DPP10: variants seen among roughly 807,000 people sequenced by gnomAD.
The protein encoded by DPP10 is inactive dipeptidyl peptidase 10.
DPP10 carries 33 observed loss-of-function variants against 120.9 expected under a neutral mutation model. The observed-to-expected ratio is 0.27, with a 90% CI of 0.21 to 0.37. The LOEUF (loss-of-function observed/expected upper bound fraction) is 0.37. Among genes scored for constraint, DPP10 ranks in the 10% least tolerant of loss-of-function variants. The pLI is 1.00. For missense variants in DPP10, 816 were observed against 942.8 expected (o/e 0.87, Z 1.76); for synonymous variants, 337 against 326.1 (o/e 1.03, Z -0.36).
At chr2:115,659,501 C>A (rs1309916315) in intron 5 of DPP10, among the ~76,000 whole-genome samples, 1 of 151,984 alleles carries the variant, frequency 6.6e-6, no homozygotes, top group Non-Finnish European at 1.5e-5. Flanking sequence ...ACAATTCAAC[C>A]GAGTCTCTAA....
rs2088372298 is a variant in DPP10 at position 115,656,591 on chromosome 2, C to CA, written c.442-33090dup. Among the ~76,000 whole-genome samples the CA allele has an allele frequency of 2.0e-5, 3 of 151,468 alleles. No individual in the cohort carries two copies. The South Asian group carries it at 6.2e-4, about 32-fold the overall frequency. On this transcript the variant is annotated intron_variant, in intron 5 of 25. Transcript: ENST00000410059. ...TCATTAAGTTTGTATTTCAATATTG[C>CA]AAAAAACTCTTGGCTATGATTAGAG... is the stretch of plus-strand genomic sequence containing the variant.
At chr2:114,543,018 A>T (rs2104815086) in intron 1 of DPP10, among the ~76,000 whole-genome samples, 1 of 152,336 alleles carries the variant, frequency 6.6e-6, no homozygotes, top group East Asian at 1.9e-4. Context: ...CCAAGTTAAT[A>T]GAATACAATT....
intron 19 of DPP10, among the ~76,000 whole-genome samples, chr2:115,804,399 G>T (rs889929865): frequency 6.6e-6 from 1 of 152,122 alleles, no homozygotes; most frequent in African/African-American, 2.4e-5. Context: ...GCTCGGAGTA[G>T]TTTGATCTTC....
intron 1 of DPP10, among the ~76,000 whole-genome samples, chr2:114,660,308 T>C (rs1697302935): frequency 1.3e-5 from 2 of 152,222 alleles, no homozygotes; most frequent in Non-Finnish European, 2.9e-5. Flanking sequence ...CACTTTTTTT[T>C]CTAAAAATAT....
At chr2:114,800,816 C>T (rs758188297) in intron 1 of DPP10, among the ~76,000 whole-genome samples, 5 of 152,048 alleles carry the variant, frequency 3.3e-5, no homozygotes, top group Non-Finnish European at 5.9e-5. Context: ...AGCTACTGCC[C>T]TTGGTTAACA....
intron 5 of DPP10, among the ~76,000 whole-genome samples, chr2:115,570,187 C>A (rs1054750149): frequency 3.7e-4 from 56 of 152,296 alleles, no homozygotes; most frequent in African/African-American, 1.3e-3. Flanking sequence ...GCTTATTTTA[C>A]ACAAGTGACA....
chr2:115,686,051 A>C (rs1280301966), intron 5 of DPP10, among the ~76,000 whole-genome samples: 2 of 152,032 alleles, frequency 1.3e-5, no homozygotes, highest in Admixed American at 6.6e-5. Context: ...CTACTTTCCC[A>C]GCTAAGGTTG....
rs1019670880 is a variant in DPP10 at position 114,832,860 on chromosome 2, T to TA, written c.60+390033dup. ...GTCTACCTAACATGTTTCTATTTTC[T>TA]AAAAAAAAAAATTTAAGTACTTTAA... On this transcript the variant is annotated intron_variant, in intron 1 of 25. Coordinates refer to ENST00000410059, the MANE Select transcript of DPP10 (RefSeq NM_020868.6). Among the ~76,000 whole-genome samples, 1,232 of 148,730 alleles carry TA rather than the reference T, an allele frequency of 8.3e-3. 13 individuals are homozygous for TA. The highest frequency in any genetic ancestry group is 0.028 in the African/African-American group (1,158 of 40,724).
At chr2:115,719,531 A>G (rs2421285) in intron 7 of DPP10, among the ~76,000 whole-genome samples, 147,630 of 152,262 alleles carry the variant, frequency 0.97, 71,758 homozygotes, top group Middle Eastern at 1. Context: ...TTTATTTAAG[A>G]CCAAAATGTC....
chr2:114,956,322 G>C (rs1698194571), intron 1 of DPP10, among the ~76,000 whole-genome samples: 1 of 150,758 alleles, frequency 6.6e-6, no homozygotes, highest in Non-Finnish European at 1.5e-5. Context: ...ACCAAATTAA[G>C]AAATCTATCC....
intron 1 of DPP10, among the ~76,000 whole-genome samples, chr2:115,003,383 G>T (rs1230014655): frequency 6.6e-6 from 1 of 151,998 alleles, no homozygotes; most frequent in Non-Finnish European, 1.5e-5. Flanking sequence ...TAGGAGGAGG[G>T]AGAGGAAGAG....
In DPP10 at chr2:115,352,315, C is replaced by G. The variant is rs751087308; in HGVS notation, c.271+8403C>G. 4.6e-5 allele frequency among the ~76,000 whole-genome samples: 7 copies of G among 152,274 alleles called. No homozygotes were observed. In the South Asian group the frequency reaches 6.2e-4, roughly 14 times the overall value. ...GAAAGTTATGTTCAGAGTTCATCAA[C>G]AAGCATTTATTGAGCTTCATATATG... On this transcript the variant is annotated intron_variant, in intron 3 of 25. Coordinates refer to ENST00000410059, the MANE Select transcript of DPP10 (RefSeq NM_020868.6).
chr2:114,577,058 A>T (rs549368265), intron 1 of DPP10, among the ~76,000 whole-genome samples: 12 of 152,288 alleles, frequency 7.9e-5, no homozygotes, highest in African/African-American at 2.6e-4. Flanking sequence ...TATCAAGAGG[A>T]AAGAGACAGA....
In DPP10 at chr2:115,840,743, C is replaced by A. The variant is rs749563793; in HGVS notation, c.2183-7C>A. The A allele has an allele frequency of 3.7e-6, 6 of 1,612,602 alleles. No homozygotes were observed. The highest frequency in any genetic ancestry group is 4.5e-5 in the East Asian group (2 of 44,756). ...TTCTTCAGATATCATAATTTGATTT[C>A]TTGCAGCAAAAGTTCATTTCCAACA... On this transcript the variant is annotated splice_region_variant and splice_polypyrimidine_tract_variant and intron_variant, in intron 24 of 25. Coordinates refer to ENST00000410059, the MANE Select transcript of DPP10 (RefSeq NM_020868.6).
chr2:114,663,666 T>TAG (rs1264946349), intron 1 of DPP10, among the ~76,000 whole-genome samples: 1,452 of 92,490 alleles, frequency 0.016, 10 homozygotes, highest in South Asian at 0.02. Context: ...TATATATATA[T>TAG]ATAGAGAGAG....
rs551931951 is a variant in DPP10, at chr2:115,073,874, A to G, written c.61-235365A>G. 7.9e-5 allele frequency among the ~76,000 whole-genome samples: 12 copies of G among 152,330 alleles called. No homozygotes were observed. In the South Asian group the frequency reaches 2.3e-3, roughly 29 times the overall value. On this transcript the variant is annotated intron_variant, in intron 1 of 25. Coordinates refer to ENST00000410059, the MANE Select transcript of DPP10 (RefSeq NM_020868.6). ...TCCTTTACTGAATGGTAGCTTTTTT[A>G]TACTCATTTGTGCTCCTTATAAAAT...
intron 3 of DPP10, among the ~76,000 whole-genome samples, chr2:115,404,386 C>T (rs1487588434): frequency 3.3e-5 from 5 of 152,274 alleles, no homozygotes; most frequent in African/African-American, 1.2e-4. Context: ...AACCAGGCCC[C>T]ATCTCCAACA....
intron 1 of DPP10, among the ~76,000 whole-genome samples, chr2:115,270,064 C>T (rs1433131752): frequency 1.8e-5 from 2 of 108,412 alleles, no homozygotes; most frequent in Non-Finnish European, 3.7e-5. Context: ...ACTAGGTATA[C>T]TTCACACACA....
intron 1 of DPP10, among the ~76,000 whole-genome samples, chr2:115,295,688 C>T (rs2060854854): frequency 6.6e-6 from 1 of 152,020 alleles, no homozygotes; most frequent in African/African-American, 2.4e-5. Flanking sequence ...TGTTCTGCCT[C>T]ATTTCATTAA....
Sources: gnomAD v4.1 joint callset for allele counts (sites outside exome capture counted in the v4.1 genomes callset) on GRCh38, gnomAD v4.1.1 for gene constraint, MANE v1.5 for transcripts, NCBI Gene and HGNC (gene_info 2026-07-23, HGNC 2026-07-21) for gene names.